The following TBCD variants were observed in gnomAD, a reference collection of about 807,000 sequenced individuals.
The protein encoded by TBCD is tubulin folding cofactor D, also known as tubulin-specific chaperone D.
In TBCD, 105 loss-of-function variants were observed where a neutral mutation model predicts 169.3. The observed-to-expected ratio is 0.62, with a 90% confidence interval of 0.53 to 0.73. The LOEUF is 0.73. TBCD is among the 30% of genes least tolerant of loss of function. TBCD has a pLI of 0.00. For missense variants in TBCD, 1,444 were observed against 1,600.1 expected, an observed-to-expected ratio of 0.90 and a Z score of 1.66; for synonymous variants, 700 against 643.9, an observed-to-expected ratio of 1.09 and a Z score of -1.32.
At position 82,770,235 on chromosome 17, in the gene TBCD, T is replaced by C. The variant is rs1279775635; in HGVS notation, c.582+1669T>C. ...AATCGTTAAGGGAAAAGGTACTCCA[T>C]TGTAATCTAATTTAAAATTCTCTCT... On this transcript the variant is annotated intron_variant, in intron 5 of 38. Coordinates refer to ENST00000355528, the MANE Select transcript of TBCD (RefSeq NM_005993.5). 3.3e-5 allele frequency among the ~76,000 whole-genome samples: 5 copies of C among 152,210 alleles called. No homozygotes were observed. In the East Asian group the frequency reaches 7.7e-4, roughly 23 times the overall value.
intron 13 of TBCD, chr17:82,838,576 A>G (rs1050082683): frequency 1.3e-5 from 11 of 835,952 alleles, no homozygotes; most frequent in Non-Finnish European, 1.6e-5. Flanking sequence ...TAACTCAAGG[A>G]CACACCATTG....
At chr17:82,848,032 C>T (rs997212501) in intron 13 of TBCD, among the ~76,000 whole-genome samples, 1 of 152,182 alleles carries the variant, frequency 6.6e-6, no homozygotes, top group Non-Finnish European at 1.5e-5. Context: ...CTACCAAGGC[C>T]CCTCCAGGCT....
At chr17:82,823,948 C>G (rs952841308) in intron 13 of TBCD, among the ~76,000 whole-genome samples, 3 of 151,958 alleles carry the variant, frequency 2.0e-5, no homozygotes, top group South Asian at 2.1e-4. Context: ...TCCCTTCAAC[C>G]CTTTGTAACT....
intron 14 of TBCD, chr17:82,877,031 T>C: frequency 1.1e-6 from 1 of 939,624 alleles, no homozygotes; most frequent in Non-Finnish European, 1.3e-6. Flanking sequence ...CCATTCTTTC[T>C]TCATTAATCA....
intron 7 of TBCD, among the ~76,000 whole-genome samples, chr17:82,796,735 G>A (rs888584348): frequency 6.6e-5 from 10 of 152,192 alleles, no homozygotes; most frequent in Admixed American, 2.0e-4. Context: ...GCCCCCCAGC[G>A]GGCTCCATGG....
In TBCD at chr17:82,891,471, A is replaced by G. The variant is rs566155578; in HGVS notation, c.1563+1774A>G. Among the ~76,000 whole-genome samples, 56 of 152,318 alleles carry G rather than the reference A, an allele frequency of 3.7e-4. No individual in the cohort carries two copies. The South Asian group carries it at 3.7e-3, about 10-fold the overall frequency. On this transcript the variant is annotated intron_variant, in intron 16 of 38. Coordinates refer to ENST00000355528, the MANE Select transcript of TBCD (RefSeq NM_005993.5). ...GATTTTGAAGAGACACAGACTTTGA[A>G]AGAAATGCAAGACGCGCAGGTGCGG... is the stretch of plus-strand genomic sequence containing the variant.
At chr17:82,862,432 G>A (rs1407803567) in intron 13 of TBCD, among the ~76,000 whole-genome samples, 1 of 151,912 alleles carries the variant, frequency 6.6e-6, no homozygotes, top group African/African-American at 2.4e-5. Flanking sequence ...CCAGCCTGGG[G>A]GTCCTTGGCC....
intron 23 of TBCD, among the ~76,000 whole-genome samples, chr17:82,912,334 A>G (rs1227215721): frequency 6.6e-6 from 1 of 152,250 alleles, no homozygotes; most frequent in African/African-American, 2.4e-5. Context: ...CCCGGGGGTT[A>G]GGACAGTCGG....
chr17:82,854,494 T>C (rs2056085877), intron 13 of TBCD, among the ~76,000 whole-genome samples: 1 of 152,238 alleles, frequency 6.6e-6, no homozygotes, highest in African/African-American at 2.4e-5. Context: ...TATCCTCTGC[T>C]CTGTGGTGTA....
rs186140064 is a variant in TBCD, at chr17:82,847,297, G to A, written c.1319-22927G>A. 1.2e-4 allele frequency among the ~76,000 whole-genome samples: 17 copies of A among 146,540 alleles called. No individual in the cohort carries two copies. In the East Asian group the frequency reaches 3.6e-3, roughly 31 times the overall value. ...GAACCTGGGAGGCGGAGCTTGCAGTGAGCCGAGATCATGCCACTGTATTCC... is the reference window on the plus strand; with the variant it reads ...GAACCTGGGAGGCGGAGCTTGCAGTAAGCCGAGATCATGCCACTGTATTCC... On this transcript the variant is annotated intron_variant, in intron 13 of 38. Coordinates refer to ENST00000355528, the MANE Select transcript of TBCD (RefSeq NM_005993.5).
At chr17:82,764,163 TA>T in intron 3 of TBCD, 101 bp downstream of exon 3, 1 of 931,274 alleles carries the variant, frequency 1.1e-6, no homozygotes, top group Non-Finnish European at 1.6e-6. Flanking sequence ...AGATAGTTCT[TA>T]GACACAAGTT....
intron 34 of TBCD, 128 bp downstream of exon 34, chr17:82,932,863 A>G (rs1263632476): frequency 5.9e-6 from 5 of 842,458 alleles, no homozygotes; most frequent in Non-Finnish European, 9.5e-6. Context: ...TGGGTCAGTT[A>G]TGGTGACTGT....
intron 37 of TBCD, among the ~76,000 whole-genome samples, chr17:82,940,219 G>GCACACACACACA (rs1422867605): frequency 0.041 from 3,858 of 94,482 alleles, 77 homozygotes; most frequent in Middle Eastern, 0.096. Context: ...ACTTGCACGC[G>GCACACACACACA]CGCACACACA....
Position 82,920,586 on chromosome 17 carries a change from C to A in TBCD, c.2069C>A (p.Ser690Tyr). ...GTTTTAATAGAAAAGTTGTCACTTT[C>A]CAAAATGCCCTTTAGAGGTGACACC... ...VCVLIEKLSLSKMPFRGDTVI... is the reference protein window; with the variant it reads ...VCVLIEKLSLYKMPFRGDTVI... The change falls in exon 24 of 39, where the codon TCC becomes TAC. Residue 690 changes from serine (S) to tyrosine (Y), a missense_variant. Physicochemically the swap from Ser to Tyr is moderately radical, Grantham distance 144. Transcript: ENST00000355528. This position sits in a 1 kb window ranked among gnomAD's most constrained non-coding sequence, Gnocchi z 4.1. 1 of 1,543,444 alleles carries A rather than the reference C, an allele frequency of 6.5e-7. No individual in the cohort carries two copies. The highest frequency in any genetic ancestry group is 8.7e-7 in the Non-Finnish European group (1 of 1,144,960).
Position 82,829,887 on chromosome 17 carries a change from T to G in TBCD, c.1318+14953T>G. 5 of 566,480 alleles carry G rather than the reference T, an allele frequency of 8.8e-6. No homozygotes were observed. In the South Asian group the frequency reaches 9.2e-5, roughly 10 times the overall value. The allele number at this position is 566,480 out of a possible 1,614,324, so 35.1% of individuals were successfully genotyped here. On this transcript the variant is annotated intron_variant, in intron 13 of 38. Transcript: ENST00000355528. The stretch of plus-strand genomic sequence containing the variant: ...AGATCTTCTGTAAGACAGCTTAGAC[T>G]TGAAAATACATATCAGTCTTAGAGT...
chr17:82,886,900 C>A (rs904474534), intron 15 of TBCD, among the ~76,000 whole-genome samples: 4 of 151,138 alleles, frequency 2.6e-5, no homozygotes, highest in Non-Finnish European at 4.4e-5. Context: ...GAACTCCTGA[C>A]CTGAAGTGAT....
At chr17:82,846,295 GC>G (rs2055077417) in intron 13 of TBCD, among the ~76,000 whole-genome samples, 1 of 141,988 alleles carries the variant, frequency 7.0e-6, no homozygotes, top group East Asian at 2.0e-4. Flanking sequence ...GCCCTCTGCT[GC>G]CCCCTCCACG....
intron 3 of TBCD, among the ~76,000 whole-genome samples, chr17:82,765,381 CT>C (rs1819408695): frequency 1.8e-5 from 2 of 109,118 alleles, no homozygotes; most frequent in South Asian, 6.0e-4. Flanking sequence ...TCATAGTCTG[CT>C]TTTCTTACAA....
intron 7 of TBCD, among the ~76,000 whole-genome samples, chr17:82,790,756 C>A (rs1459992840): frequency 2.0e-5 from 3 of 152,160 alleles, no homozygotes; most frequent in African/African-American, 7.2e-5. Flanking sequence ...TTTTTCTCTT[C>A]CACATGGTGT....
Sources: gnomAD v4.1 joint callset for allele counts (sites outside exome capture counted in the v4.1 genomes callset) on GRCh38, gnomAD v4.1.1 for gene constraint, Gnocchi (gnomAD v3.1) non-coding constraint, MANE v1.5 for transcripts, NCBI Gene and HGNC (gene_info 2026-07-23, HGNC 2026-07-21) for gene names.